SPZ1: variants seen among roughly 807,000 people sequenced by gnomAD.
The protein encoded by SPZ1 is spermatogenic leucine zipper protein 1.
For missense variants in SPZ1, 408 were observed against 486.2 expected, an observed-to-expected ratio of 0.84 and a Z score of 1.51; for synonymous variants, 160 against 167.6, an observed-to-expected ratio of 0.95 and a Z score of 0.35.
In SPZ1 at chr5:80,321,739, C is replaced by T. The variant is rs1743558376; in HGVS notation, c.*231C>T. On this transcript the variant is annotated 3_prime_UTR_variant, in exon 1 of 1. Transcript: ENST00000296739. Reference sequence around the variant, plus strand: ...TCAAGTTCATAACTTTTCACCTTTACAATCTGCTTGTTTTTTTTGTAATTA... The same window carrying T: ...TCAAGTTCATAACTTTTCACCTTTATAATCTGCTTGTTTTTTTTGTAATTA... 2.9e-6 allele frequency: 1 copy of T among 347,020 alleles called. No individual in the cohort carries two copies. The highest frequency in any genetic ancestry group is 5.4e-6 in the Non-Finnish European group (1 of 185,434). 21.5% of individuals were successfully genotyped at this position (347,020 alleles called of 1,614,324 possible).
At position 80,320,315 on chromosome 5, in the gene SPZ1, A is replaced by G. The variant is rs1251502863; in HGVS notation, c.100A>G (p.Ile34Val). The change falls in exon 1 of 1, where the codon ATT (isoleucine) becomes GTT (valine). Residue 34 changes from isoleucine (I) to valine (V), a missense_variant. Physicochemically the swap from Ile to Val is conservative, Grantham distance 29 (BLOSUM62 3). Coordinates refer to ENST00000296739, the MANE Select transcript of SPZ1 (RefSeq NM_032567.4). ...HQEYLDPRITIALFEIGSHSP... is the reference protein window; with the variant it reads ...HQEYLDPRITVALFEIGSHSP... ...AGAATATCTGGACCCTAGGATTACC[A>G]TTGCCTTATTCGAAATTGGATCACA... is the stretch of plus-strand genomic sequence containing the variant. The G allele has an allele frequency of 3.1e-6, 5 of 1,613,840 alleles. No individual in the cohort carries two copies. The Admixed American group carries it at 6.7e-5, about 22-fold the overall frequency.
At position 80,321,117 on chromosome 5, in the gene SPZ1, A is replaced by T. The variant is rs35337118; in HGVS notation, c.902A>T (p.His301Leu). ...CCAAATAATGAAGTGTCGGCTAAGC[A>T]TGAGCTGGAGGAACAGGTGAAGAAA... is the stretch of plus-strand genomic sequence containing the variant. The part of the protein sequence containing the change: ...TQPNNEVSAK[H>L]ELEEQVKKLS... The change falls in exon 1 of 1, where the codon CAT becomes CTT. Residue 301 changes from histidine (H) to leucine (L), a missense_variant. Coordinates refer to ENST00000296739, the MANE Select transcript of SPZ1 (RefSeq NM_032567.4). The T allele has an allele frequency of 6.2e-7, 1 of 1,613,612 alleles. No homozygotes were observed. Among genetic ancestry groups the T allele is most frequent in the Non-Finnish European group, 8.5e-7 (1 of 1,179,898 alleles).
At position 80,320,999 on chromosome 5, in the gene SPZ1, A is replaced by G; in HGVS notation, c.784A>G (p.Thr262Ala). The G allele has an allele frequency of 6.2e-7, 1 of 1,614,206 alleles. No individual in the cohort carries two copies. The highest frequency in any genetic ancestry group is 8.5e-7 in the Non-Finnish European group (1 of 1,180,046). Residue 262 changes from threonine to alanine, a missense_variant, in exon 1 of 1, where the codon ACT becomes GCT. Coordinates refer to ENST00000296739, the MANE Select transcript of SPZ1 (RefSeq NM_032567.4). ...AGCAGAACACTGGAGTAAACAACAT[A>G]CTGAGCTCAGTAAACTGATAAAATC... Reference protein sequence around the residue: ...QEAEHWSKQHTELSKLIKSYQ... With the variant: ...QEAEHWSKQHAELSKLIKSYQ...
In SPZ1 at chr5:80,321,618, C is replaced by G. The variant is rs1479732591; in HGVS notation, c.*110C>G. On this transcript the variant is annotated 3_prime_UTR_variant, in exon 1 of 1. Transcript: ENST00000296739. The stretch of plus-strand genomic sequence containing the variant: ...ACCTTGGGCAGATCTGCTGGTTCAA[C>G]CAAGAAAGAGCTATAGAATAAGGAG... 1.2e-5 allele frequency: 9 copies of G among 774,392 alleles called. No homozygotes were observed. Among genetic ancestry groups the G allele is most frequent in the African/African-American group, 3.5e-5 (2 of 56,622 alleles). The allele number at this position is 774,392 out of a possible 1,614,324, so 48.0% of individuals were successfully genotyped here.
At position 80,320,893 on chromosome 5, in the gene SPZ1, T is replaced by C; in HGVS notation, c.678T>C (p.Ser226=). 2 of 1,609,602 alleles carry C rather than the reference T, an allele frequency of 1.2e-6. No individual in the cohort carries two copies. Among genetic ancestry groups the C allele is most frequent in the Non-Finnish European group, 1.7e-6 (2 of 1,179,108 alleles). Residue 226 remains serine (S), a synonymous_variant, in exon 1 of 1, where the codon AGT becomes AGC. Coordinates refer to ENST00000296739, the MANE Select transcript of SPZ1 (RefSeq NM_032567.4). ...EKKVLNETQQ[S]QEKAKNRLNV... Reference sequence around the variant, plus strand: ...AAGTCCTTAACGAAACTCAACAAAGTCAGGAAAAAGCAAAAAACAGACTTA... The same window carrying C: ...AAGTCCTTAACGAAACTCAACAAAGCCAGGAAAAAGCAAAAAACAGACTTA...
At position 80,320,968 on chromosome 5, in the gene SPZ1, A is replaced by G. The variant is rs368790459; in HGVS notation, c.753A>G (p.Leu251=). Residue 251 remains leucine, a synonymous_variant, in exon 1 of 1, where the codon CTA becomes CTG. Transcript: ENST00000296739. ...TTAGGAACAACATGGAGCAGTTACT[A>G]CAGGAAGCAGAACACTGGAGTAAAC... ...MKIRNNMEQL[L]QEAEHWSKQH... 2 of 1,613,854 alleles carry G rather than the reference A, an allele frequency of 1.2e-6. No individual in the cohort carries two copies. Among genetic ancestry groups the G allele is most frequent in the East Asian group, 2.2e-5 (1 of 44,884 alleles).
In SPZ1 at chr5:80,321,595, C is replaced by A; in HGVS notation, c.*87C>A. ...TGTCAGTCATGATCAATCATCAAACCTTGGGCAGATCTGCTGGTTCAACCA... is the reference window on the plus strand; with the variant it reads ...TGTCAGTCATGATCAATCATCAAACATTGGGCAGATCTGCTGGTTCAACCA... On this transcript the variant is annotated 3_prime_UTR_variant, in exon 1 of 1. Coordinates refer to ENST00000296739, the MANE Select transcript of SPZ1 (RefSeq NM_032567.4). The A allele has an allele frequency of 9.2e-7, 1 of 1,081,774 alleles. No individual in the cohort carries two copies. Among genetic ancestry groups the A allele is most frequent in the Non-Finnish European group, 1.3e-6 (1 of 760,892 alleles). 67.0% of individuals were successfully genotyped at this position (1,081,774 alleles called of 1,614,324 possible).
chr5:80,320,121 C>G lies in SPZ1; in HGVS notation c.-95C>G. The G allele has an allele frequency of 2.1e-6, 2 of 973,300 alleles. No homozygotes were observed. The highest frequency in any genetic ancestry group is 5.0e-5 in the East Asian group (2 of 40,178). The allele number at this position is 973,300 out of a possible 1,614,324, so 60.3% of individuals were successfully genotyped here. On this transcript the variant is annotated 5_prime_UTR_variant, in exon 1 of 1. Coordinates refer to ENST00000296739, the MANE Select transcript of SPZ1 (RefSeq NM_032567.4). ...AATCCTTAACTTTGGTCTCTGACTT[C>G]TGCTTGATTCCACAGTCTCCACCCA...
chr5:80,320,675 G>A lies in SPZ1; in HGVS notation c.460G>A (p.Val154Met), dbSNP rs200613666. The change falls in exon 1 of 1, where the codon GTG becomes ATG. Residue 154 changes from valine to methionine, a missense_variant. Physicochemically the swap from Val to Met is conservative, Grantham distance 21. Transcript: ENST00000296739. ...ATTGGAAACCAATATTACTGAGGAT[G>A]TGTCAGCCCACAAAGAAAATATCAG... ...MILETNITEDVSAHKENIRGL... is the reference protein window; with the variant it reads ...MILETNITEDMSAHKENIRGL... 1 of 1,612,192 alleles carries A rather than the reference G, an allele frequency of 6.2e-7. No homozygotes were observed. Among genetic ancestry groups the A allele is most frequent in the East Asian group, 2.2e-5 (1 of 44,770 alleles).
Position 80,320,263 on chromosome 5 carries a change from CG to C in SPZ1, c.49del (p.Val17LeufsTer37), listed in dbSNP as rs776072412. On this transcript the variant is annotated frameshift_variant, in exon 2 of 2. Transcript: ENST00000511881. LOFTEE classifies it low-confidence loss of function (END_TRUNC). The stretch of plus-strand genomic sequence containing the variant: ...CTGAGATGCCCACCATCTCCAAAAC[CG>C]TTAACCCTACTCCTGATCCTCATCA... The C allele has an allele frequency of 1.2e-6, 2 of 1,613,570 alleles. No individual in the cohort carries two copies. Among genetic ancestry groups the C allele is most frequent in the South Asian group, 1.1e-5 (1 of 91,014 alleles).
chr5:80,320,042 C>T lies in SPZ1; in HGVS notation c.-174C>T, dbSNP rs1050830993. Reference sequence around the variant, plus strand: ...TGGTCCCCTTTCCCACCCTTCCTCCCCACAAGGCTGTCTGAGATGCCACCT... The same window carrying T: ...TGGTCCCCTTTCCCACCCTTCCTCCTCACAAGGCTGTCTGAGATGCCACCT... On this transcript the variant is annotated 5_prime_UTR_variant, in exon 1 of 1. Coordinates refer to ENST00000296739, the MANE Select transcript of SPZ1 (RefSeq NM_032567.4). The T allele has an allele frequency of 6.9e-6, 4 of 583,568 alleles. No individual in the cohort carries two copies. Among genetic ancestry groups the T allele is most frequent in the Non-Finnish European group, 1.2e-5 (4 of 336,278 alleles). The allele number at this position is 583,568 out of a possible 1,614,324, so 36.1% of individuals were successfully genotyped here.
chr5:80,321,202 A>G lies in SPZ1; in HGVS notation c.987A>G (p.Gln329=). 1 of 1,614,048 alleles carries G rather than the reference A, an allele frequency of 6.2e-7. No individual in the cohort carries two copies. Among genetic ancestry groups the G allele is most frequent in the Non-Finnish European group, 8.5e-7 (1 of 1,180,030 alleles). The change falls in exon 1 of 1, where the codon CAA becomes CAG. Residue 329 remains glutamine (Q), a synonymous_variant. Transcript: ENST00000296739. ...CAGCTTTGCTAGAGAATGAATGCCA[A>G]ATCTTACAGCAGAGAGTAGAGATTC... ...LMAALLENEC[Q]ILQQRVEILK... is the part of the protein sequence containing the mutation.
Position 80,321,494 on chromosome 5 carries a change from A to G in SPZ1, c.1279A>G (p.Ser427Gly). ...TCTTAGGGGAAAAATGAGGTCAGCT[A>G]GCAGCCTAAGATAGAAAATACCAAA... ...KALRGKMRSA[S>G]SLR Residue 427 changes from serine to glycine, a missense_variant, in exon 1 of 1, where the codon AGC becomes GGC. Ser to Gly is a moderately conservative substitution (Grantham distance 56). Coordinates refer to ENST00000296739, the MANE Select transcript of SPZ1 (RefSeq NM_032567.4). 3 of 1,578,828 alleles carry G rather than the reference A, an allele frequency of 1.9e-6. No individual in the cohort carries two copies. The highest frequency in any genetic ancestry group is 2.6e-6 in the Non-Finnish European group (3 of 1,169,814).
chr5:80,320,592 A>C lies in SPZ1; in HGVS notation c.377A>C (p.Asn126Thr), dbSNP rs374941383. 1 of 1,612,732 alleles carries C rather than the reference A, an allele frequency of 6.2e-7. No individual in the cohort carries two copies. The change falls in exon 1 of 1, where the codon AAC (asparagine) becomes ACC (threonine). Residue 126 changes from asparagine to threonine, a missense_variant. Transcript: ENST00000296739. ...LDKINEMLST[N>T]LPVSLAPEKE... ...AAAATCAATGAAATGTTATCAACAA[A>C]CCTGCCTGTTAGTTTAGCCCCAGAG... is the stretch of plus-strand genomic sequence containing the variant.
At position 80,321,008 on chromosome 5, in the gene SPZ1, A is replaced by C. The variant is rs375200625; in HGVS notation, c.793A>C (p.Ser265Arg). Residue 265 changes from serine to arginine, a missense_variant, in exon 1 of 1, where the codon AGT (serine) becomes CGT (arginine). Coordinates refer to ENST00000296739, the MANE Select transcript of SPZ1 (RefSeq NM_032567.4). ...CTGGAGTAAACAACATACTGAGCTCAGTAAACTGATAAAATCCTATCAGAA... is the reference window on the plus strand; with the variant it reads ...CTGGAGTAAACAACATACTGAGCTCCGTAAACTGATAAAATCCTATCAGAA... ...EHWSKQHTEL[S>R]KLIKSYQKSQ... 4 of 1,614,076 alleles carry C rather than the reference A, an allele frequency of 2.5e-6. No homozygotes were observed.
Position 80,320,668 on chromosome 5 carries a change from T to C in SPZ1, c.453T>C (p.Thr151=). The C allele has an allele frequency of 1.9e-6, 3 of 1,613,876 alleles. No homozygotes were observed. Among genetic ancestry groups the C allele is most frequent in the Middle Eastern group, 1.7e-4 (1 of 6,050 alleles). The change falls in exon 1 of 1, where the codon ACT becomes ACC. Residue 151 remains threonine (T), a synonymous_variant. Coordinates refer to ENST00000296739, the MANE Select transcript of SPZ1 (RefSeq NM_032567.4). ...AGATGATATTGGAAACCAATATTACTGAGGATGTGTCAGCCCACAAAGAAA... is the reference window on the plus strand; with the variant it reads ...AGATGATATTGGAAACCAATATTACCGAGGATGTGTCAGCCCACAAAGAAA... ...KQEMILETNI[T]EDVSAHKENI...
Position 80,321,169 on chromosome 5 carries a change from G to A in SPZ1, c.954G>A (p.Gln318=). 1.2e-6 allele frequency: 2 copies of A among 1,614,030 alleles called. No homozygotes were observed. Among genetic ancestry groups the A allele is most frequent in the Non-Finnish European group, 1.7e-6 (2 of 1,179,992 alleles). The stretch of plus-strand genomic sequence containing the variant: ...TGAGCCATGACACCTATTCATTGCA[G>A]TTGATGGCAGCTTTGCTAGAGAATG... The part of the protein sequence containing the change: ...KKLSHDTYSL[Q]LMAALLENEC... Residue 318 remains glutamine, a synonymous_variant, in exon 1 of 1, where the codon CAG becomes CAA. Transcript: ENST00000296739.
Position 80,321,105 on chromosome 5 carries a change from T to G in SPZ1, c.890T>G (p.Val297Gly), listed in dbSNP as rs1386055087. 6.2e-7 allele frequency: 1 copy of G among 1,613,406 alleles called. No homozygotes were observed. Among genetic ancestry groups the G allele is most frequent in the South Asian group, 1.1e-5 (1 of 90,906 alleles). Reference protein sequence around the residue: ...VGFQTQPNNEVSAKHELEEQV... With the variant: ...VGFQTQPNNEGSAKHELEEQV... ...TTCCAAACCCAGCCAAATAATGAAG[T>G]GTCGGCTAAGCATGAGCTGGAGGAA... The change falls in exon 1 of 1, where the codon GTG becomes GGG. Residue 297 changes from valine (V) to glycine (G), a missense_variant. Val to Gly is a moderately radical substitution (Grantham distance 109). Transcript: ENST00000296739.
chr5:80,320,225 TCTG>T lies in SPZ1; in HGVS notation c.13_15del (p.Ala5del). ...CTTTCCTTCTGTCCTGATGGCCAGC[TCTG>T]CTAAGTCAGCTGAGATGCCCACCAT... is the stretch of plus-strand genomic sequence containing the variant. On this transcript the variant is annotated inframe_deletion, in exon 1 of 1. Coordinates refer to ENST00000296739, the MANE Select transcript of SPZ1 (RefSeq NM_032567.4). 2 of 1,608,830 alleles carry T rather than the reference TCTG, an allele frequency of 1.2e-6. No homozygotes were observed. Among genetic ancestry groups the T allele is most frequent in the Middle Eastern group, 3.3e-4 (2 of 6,018 alleles).
Sources: allele counts gnomAD v4.1 joint callset, GRCh38; gene constraint gnomAD v4.1.1; transcripts MANE v1.5; gene names NCBI Gene and HGNC (gene_info 2026-07-23, HGNC 2026-07-21).